ENO1: variants seen among roughly 807,000 people sequenced by gnomAD.
ENO1 encodes the protein alpha-enolase.
ENO1 carries 33 observed loss-of-function variants against 46.3 expected under a neutral mutation model. The observed-to-expected ratio is 0.71, with a 90% confidence interval of 0.54 to 0.95. The LOEUF is 0.95. Ranked by LOEUF, ENO1 falls within the 40% of genes least tolerant of loss-of-function variation. The pLI, the probability that ENO1 is intolerant of heterozygous loss-of-function variation, is 0.00. For synonymous variants in ENO1, 220 were observed against 216.0 expected, an observed-to-expected ratio of 1.02 and a Z score of -0.16; for missense variants, 488 against 553.3, an observed-to-expected ratio of 0.88 and a Z score of 1.18.
chr1:8,863,086 G>A (rs2641300), intron 10 of ENO1, 141 bp from the exon 11 acceptor site: 77 of 1,333,144 alleles, frequency 5.8e-5, no homozygotes, highest in Non-Finnish European at 7.4e-5. Flanking sequence ...CAGGCAGGGC[G>A]CTCATGCCCC....
chr1:8,864,220 G>T, intron 8 of ENO1, 128 bp from the exon 9 acceptor site: 1 of 1,021,722 alleles, frequency 9.8e-7, no homozygotes, highest in Non-Finnish European at 1.5e-6. Flanking sequence ...ATAGGATGGG[G>T]ACAGCTCCCC....
intron 3 of ENO1, chr1:8,871,132 G>A (rs1642624145): frequency 8.6e-7 from 1 of 1,164,018 alleles, no homozygotes; most frequent in Non-Finnish European, 1.1e-6. Context: ...ATGTTCGTGT[G>A]TGTAGAGTGC....
At chr1:8,862,061 T>C (rs28999099) in intron 11 of ENO1, among the ~76,000 whole-genome samples, 278 of 152,004 alleles carry the variant, frequency 1.8e-3, no homozygotes, top group Middle Eastern at 3.4e-3. Context: ...GACAGGAGAA[T>C]TGCTTGAATC....
At chr1:8,871,050 C>T (rs2124091036) in intron 3 of ENO1, 1 of 1,232,984 alleles carries the variant, frequency 8.1e-7, no homozygotes, top group East Asian at 3.1e-5. Flanking sequence ...CACTCATTAC[C>T]ATCAAGGCAC....
chr1:8,868,831 G>A (rs2124082113), intron 4 of ENO1, among the ~76,000 whole-genome samples: 1 of 149,708 alleles, frequency 6.7e-6, no homozygotes, highest in Non-Finnish European at 1.5e-5. Flanking sequence ...GCACCATCAT[G>A]CCTGGCTAAT....
chr1:8,871,514 G>C, intron 3 of ENO1: 1 of 1,031,344 alleles, frequency 9.7e-7, no homozygotes, highest in Non-Finnish European at 1.2e-6. Context: ...CCCGTGAAGA[G>C]GCTGATGATC....
At position 8,871,955 on chromosome 1, in the gene ENO1, A is replaced by G. The variant is rs780255898; in HGVS notation, c.117T>C (p.Ala39=). ...CTAGGGCCTCATAGATACCAGTTGA[A>G]GCACCACTGGGCACAGCAGCTCTGA... ...GLFRAAVPSG[A]STGIYEALEL... is the part of the protein sequence containing the mutation. Residue 39 remains alanine (A), a synonymous_variant, in exon 3 of 12, where the codon GCT becomes GCC. Transcript: ENST00000234590. 5 of 1,614,206 alleles carry G rather than the reference A, an allele frequency of 3.1e-6. No homozygotes were observed. The highest frequency in any genetic ancestry group is 4.2e-6 in the Non-Finnish European group (5 of 1,180,028).
At position 8,867,223 on chromosome 1, in the gene ENO1, C is replaced by T; in HGVS notation, c.338G>A (p.Gly113Glu). Residue 113 changes from glycine (G) to glutamate (E), a missense_variant, in exon 6 of 12, where the codon GGG (glycine) becomes GAG (glutamate). Transcript: ENST00000234590. ...KSKFGANAIL[G>E]VSLAVCKAGA... ...AGCTTTGCAGACGGCAAGGGACACC[C>T]CCAGAATGGCGTTCGCACCAAACTT... 1 of 1,614,146 alleles carries T rather than the reference C, an allele frequency of 6.2e-7. No homozygotes were observed. Among genetic ancestry groups the T allele is most frequent in the Non-Finnish European group, 8.5e-7 (1 of 1,180,024 alleles).
intron 6 of ENO1, 53 bp downstream of exon 6, chr1:8,867,064 A>G: frequency 6.3e-7 from 1 of 1,594,296 alleles, no homozygotes; most frequent in Non-Finnish European, 8.6e-7. Context: ...GGTCCCCAAC[A>G]GCAAGCTGAA....
chr1:8,867,812 G>A (rs1642554660), intron 5 of ENO1, among the ~76,000 whole-genome samples, 176 bp downstream of exon 5: 1 of 152,170 alleles, frequency 6.6e-6, no homozygotes, highest in African/African-American at 2.4e-5. Context: ...TTACAGGCGT[G>A]AGCCACCGCA....
chr1:8,874,923 G>A lies in ENO1; in HGVS notation c.-9-6C>T, dbSNP rs1416686901. The A allele has an allele frequency of 6.2e-7, 1 of 1,607,048 alleles. No homozygotes were observed. Among genetic ancestry groups the A allele is most frequent in the Non-Finnish European group, 8.5e-7 (1 of 1,174,622 alleles). ...AGAATAGACATGGTGAACTTCTGTAGAAGAAACACACAGTTCATGTTTTCC... is the reference window on the plus strand; with the variant it reads ...AGAATAGACATGGTGAACTTCTGTAAAAGAAACACACAGTTCATGTTTTCC... On this transcript the variant is annotated splice_polypyrimidine_tract_variant and splice_region_variant and intron_variant, in intron 1 of 11. Coordinates refer to ENST00000234590, the MANE Select transcript of ENO1 (RefSeq NM_001428.5).
intron 9 of ENO1, among the ~76,000 whole-genome samples, 181 bp downstream of exon 9, chr1:8,863,710 G>A (rs1051477118): frequency 9.2e-5 from 14 of 152,112 alleles, no homozygotes; most frequent in Non-Finnish European, 1.9e-4. Context: ...CCAAAATGTT[G>A]GGATTACAGG....
intron 5 of ENO1, among the ~76,000 whole-genome samples, chr1:8,867,495 G>A (rs1642545210): frequency 6.6e-6 from 1 of 152,108 alleles, no homozygotes; most frequent in African/African-American, 2.4e-5. Context: ...AAGCTCTTCT[G>A]AGTAACCAAA....
At chr1:8,868,850 T>A (rs569653273) in intron 4 of ENO1, among the ~76,000 whole-genome samples, 19 of 150,110 alleles carry the variant, frequency 1.3e-4, no homozygotes, top group Admixed American at 4.0e-4. Flanking sequence ...ATTTTTATAT[T>A]TTTTTTTTAT....
At chr1:8,875,320 A>G (rs75718374) in intron 1 of ENO1, among the ~76,000 whole-genome samples, 3 of 151,162 alleles carry the variant, frequency 2.0e-5, no homozygotes, top group Admixed American at 6.6e-5. Flanking sequence ...AAAAAAAAAA[A>G]GAGAGAGAAA....
intron 4 of ENO1, chr1:8,870,241 T>A (rs1557584385): frequency 2.2e-5 from 13 of 585,448 alleles, no homozygotes; most frequent in Non-Finnish European, 9.0e-6. Flanking sequence ...TGTCTCATTC[T>A]TCTGATGCAA....
At chr1:8,864,141 T>C (rs765418518) in intron 8 of ENO1, 49 bp from the exon 9 acceptor site, 2 of 1,594,480 alleles carry the variant, frequency 1.3e-6, no homozygotes, top group South Asian at 1.1e-5. Context: ...CCCAGTGTGC[T>C]CCACCGCAAT....
intron 7 of ENO1, chr1:8,865,877 G>C (rs1642501608): frequency 6.1e-6 from 2 of 327,946 alleles, no homozygotes; most frequent in Non-Finnish European, 1.2e-5. Context: ...GGGATGGCAG[G>C]ATCCTCCCGC....
chr1:8,866,224 A>AG (rs1642510392), intron 7 of ENO1, 55 bp downstream of exon 7: 1 of 1,388,470 alleles, frequency 7.2e-7, no homozygotes, highest in Non-Finnish European at 1.0e-6. Flanking sequence ...ACCCCCCAAC[A>AG]GAGGGAGCTG....
Sources: allele counts gnomAD v4.1 joint callset (sites outside exome capture counted in the v4.1 genomes callset), GRCh38; gene constraint gnomAD v4.1.1; transcripts MANE v1.5; gene names NCBI Gene and HGNC (gene_info 2026-07-23, HGNC 2026-07-21).